The following ADGRV1 variants were observed in gnomAD, a reference collection of about 807,000 sequenced individuals.
The protein encoded by ADGRV1 is adhesion G protein-coupled receptor V1.
Under a neutral mutation model 596.2 loss-of-function variants are expected in ADGRV1, and 359 were observed. The observed-to-expected ratio is 0.60, with a 90% confidence interval of 0.55 to 0.66. The LOEUF is 0.66. ADGRV1 is among the 30% of genes least tolerant of loss of function. The probability of loss-of-function intolerance (pLI) is 0.00; values close to 1 mark genes in which losing one functional copy is unlikely to be tolerated. For missense variants in ADGRV1, 7,274 were observed against 7,575.6 expected, an observed-to-expected ratio of 0.96 and a Z score of 1.48; for synonymous variants, 2,681 against 2,679.2, an observed-to-expected ratio of 1.00 and a Z score of -0.02.
At chr5:91,108,964 T>G in intron 87 of ADGRV1, among the ~76,000 whole-genome samples, 1 of 152,274 alleles carries the variant, frequency 6.6e-6, no homozygotes, top group Admixed American at 6.5e-5. Flanking sequence ...AAATATTATC[T>G]AAAATATTTA....
rs184000602 is a variant in ADGRV1 at position 90,881,928 on chromosome 5, C to T, written c.17856+18071C>T. 5.3e-5 allele frequency among the ~76,000 whole-genome samples: 8 copies of T among 152,152 alleles called. No individual in the cohort carries two copies. The East Asian group carries it at 1.5e-3, about 29-fold the overall frequency. On this transcript the variant is annotated intron_variant, in intron 83 of 89. Transcript: ENST00000405460. Reference sequence around the variant, plus strand: ...CTTGCTTTGTTGCTCAAGCTGGTCTCCACCTCCTGGATTCAAGCAAACTGC... The same window carrying T: ...CTTGCTTTGTTGCTCAAGCTGGTCTTCACCTCCTGGATTCAAGCAAACTGC...
Position 90,653,512 on chromosome 5 carries a change from A to G in ADGRV1, c.3938A>G (p.His1313Arg), listed in dbSNP as rs886043357. 1.2e-6 allele frequency: 2 copies of G among 1,613,912 alleles called. No homozygotes were observed. Among genetic ancestry groups the G allele is most frequent in the South Asian group, 1.1e-5 (1 of 91,078 alleles). ...LLVGIFPTTV[H>R]LQQHMRRHHS... Reference sequence around the variant, plus strand: ...GTTGGAATTTTCCCCACCACCGTGCATTTACAACAGCACATGCGGCGTCAC... The same window carrying G: ...GTTGGAATTTTCCCCACCACCGTGCGTTTACAACAGCACATGCGGCGTCAC... Residue 1313 changes from histidine to arginine, a missense_variant, in exon 20 of 90, where the codon CAT becomes CGT. His to Arg is a conservative substitution (Grantham distance 29). Around this residue, in one of 5 missense-constraint regions of ADGRV1, gnomAD observed 1,715 missense variants for 1,708.8 expected, o/e 1.00. Coordinates refer to ENST00000405460, the MANE Select transcript of ADGRV1 (RefSeq NM_032119.4).
intron 87 of ADGRV1, among the ~76,000 whole-genome samples, chr5:91,127,538 A>G (rs1489052867): frequency 1.7e-4 from 5 of 29,598 alleles, no homozygotes; most frequent in Non-Finnish European, 3.9e-4. Flanking sequence ...ACCCAGTCTC[A>G]CCAAAAAAAA....
chr5:91,008,880 C>T (rs1048863135), intron 85 of ADGRV1, among the ~76,000 whole-genome samples: 2 of 152,264 alleles, frequency 1.3e-5, no homozygotes, highest in Middle Eastern at 3.4e-3. Flanking sequence ...TCTCATAGAG[C>T]TAGTACAAAC....
intron 1 of ADGRV1, among the ~76,000 whole-genome samples, chr5:90,591,301 C>T (rs542898970): frequency 6.6e-6 from 1 of 152,178 alleles, no homozygotes; most frequent in South Asian, 2.1e-4. Context: ...GAGGCTGAGG[C>T]ATGAGAACTG....
chr5:90,695,172 AAGT>A (rs1473672743), intron 33 of ADGRV1, among the ~76,000 whole-genome samples: 2 of 152,204 alleles, frequency 1.3e-5, no homozygotes, highest in African/African-American at 2.4e-5. Context: ...TTGTAAGTAA[AAGT>A]AGCATAAACT....
chr5:90,684,090 A>G lies in ADGRV1; in HGVS notation c.6169A>G (p.Thr2057Ala). ...ALFGANQSEA[T>A]IAISILDDDE... ...TTTTGGAGCTAATCAGAGTGAGGCAACAATAGCTATTTCAATTTTGGATGA... is the reference window on the plus strand; with the variant it reads ...TTTTGGAGCTAATCAGAGTGAGGCAGCAATAGCTATTTCAATTTTGGATGA... The change falls in exon 28 of 90, where the codon ACA (threonine) becomes GCA (alanine). Residue 2057 changes from threonine to alanine, a missense_variant. Thr to Ala is a moderately conservative substitution (Grantham distance 58). This residue lies in a region of ADGRV1 where 3,643 missense variants were observed against 3,809.2 expected (regional missense o/e 0.96). Coordinates refer to ENST00000405460, the MANE Select transcript of ADGRV1 (RefSeq NM_032119.4). 1 of 1,613,978 alleles carries G rather than the reference A, an allele frequency of 6.2e-7. No homozygotes were observed. The highest frequency in any genetic ancestry group is 1.3e-5 in the African/African-American group (1 of 75,058).
chr5:90,964,819 T>G (rs1455814314), intron 83 of ADGRV1, among the ~76,000 whole-genome samples: 2 of 150,508 alleles, frequency 1.3e-5, no homozygotes, highest in Non-Finnish European at 3.0e-5. Flanking sequence ...AGAAGTAGAG[T>G]TAGGGGAATT....
Position 90,756,596 on chromosome 5 carries a change from A to T in ADGRV1, c.11723A>T (p.Asp3908Val), listed in dbSNP as rs1432354732. Residue 3908 changes from aspartate to valine, a missense_variant, in exon 56 of 90, where the codon GAT becomes GTT. Coordinates refer to ENST00000405460, the MANE Select transcript of ADGRV1 (RefSeq NM_032119.4). ...IAEIMIEEND[D>V]PRGIFMFHVT... ...GAGATAATGATAGAAGAAAATGACG[A>T]TCCCAGAGGAATTTTTATGTTTCAT... 6.2e-7 allele frequency: 1 copy of T among 1,613,680 alleles called. No homozygotes were observed. Among genetic ancestry groups the T allele is most frequent in the Admixed American group, 1.7e-5 (1 of 60,006 alleles).
chr5:90,622,552 C>A, intron 4 of ADGRV1, 45 bp from the exon 5 acceptor site: 2 of 890,384 alleles, frequency 2.2e-6, no homozygotes, highest in South Asian at 6.4e-5. Flanking sequence ...CCTCATACCT[C>A]TGATTGCTCA....
At chr5:90,855,602 G>A (rs1228602004) in intron 81 of ADGRV1, 139 bp from the exon 82 acceptor site, 4 of 600,738 alleles carry the variant, frequency 6.7e-6, no homozygotes, top group Non-Finnish European at 1.2e-5. Flanking sequence ...TCCCTTCACT[G>A]TTTCTTCTTG....
At chr5:91,093,572 AG>A (rs1424757260) in intron 86 of ADGRV1, among the ~76,000 whole-genome samples, 1 of 152,256 alleles carries the variant, frequency 6.6e-6, no homozygotes, top group Non-Finnish European at 1.5e-5. Flanking sequence ...AGATAGACTG[AG>A]TTAGTGCACT....
At position 90,703,709 on chromosome 5, in the gene ADGRV1, G is replaced by A; in HGVS notation, c.8200G>A (p.Gly2734Arg). The A allele has an allele frequency of 6.2e-7, 1 of 1,605,596 alleles. No individual in the cohort carries two copies. The highest frequency in any genetic ancestry group is 2.2e-5 in the East Asian group (1 of 44,582). ...FHVIRTFPGR[G>R]NVTVNWKIIG... ...TGTGATAAGAACTTTCCCTGGTCGA[G>A]GAAATGTTACTGTTAACTGGAAAAT... Residue 2734 changes from glycine to arginine, a missense_variant, in exon 35 of 90, where the codon GGA becomes AGA. Physicochemically the swap from Gly to Arg is moderately radical, Grantham distance 125 (BLOSUM62 -2). Transcript: ENST00000405460.
chr5:90,729,734 A>T lies in ADGRV1; in HGVS notation c.10519A>T (p.Ile3507Phe). The T allele has an allele frequency of 1.2e-6, 2 of 1,613,378 alleles. No homozygotes were observed. Among genetic ancestry groups the T allele is most frequent in the Non-Finnish European group, 1.7e-6 (2 of 1,179,450 alleles). The change falls in exon 50 of 90, where the codon ATC becomes TTC. Residue 3507 changes from isoleucine (I) to phenylalanine (F), a missense_variant. This residue lies in a region of ADGRV1 where 3,643 missense variants were observed against 3,809.2 expected (regional missense o/e 0.96). Coordinates refer to ENST00000405460, the MANE Select transcript of ADGRV1 (RefSeq NM_032119.4). ...QSVDFAAVNR[I>F]HSFTPASGIA... ...TGTAGATTTTGCTGCTGTTAACAGA[A>T]TCCACTCCTTCACACCAGCCTCAGG...
chr5:90,599,722 G>A (rs1172705242), intron 1 of ADGRV1, among the ~76,000 whole-genome samples: 2 of 151,972 alleles, frequency 1.3e-5, no homozygotes, highest in Non-Finnish European at 2.9e-5. Flanking sequence ...GTAGCATACC[G>A]AGATGACATG....
intron 78 of ADGRV1, among the ~76,000 whole-genome samples, chr5:90,847,608 C>T (rs921127204): frequency 5.3e-5 from 8 of 152,260 alleles, no homozygotes; most frequent in Non-Finnish European, 7.4e-5. Context: ...CAGGAGCCCA[C>T]GGTGGTGGGG....
rs777818974 is a variant in ADGRV1, at chr5:90,619,149, G to A, written c.421G>A (p.Asp141Asn). 2.0e-6 allele frequency: 3 copies of A among 1,492,388 alleles called. No homozygotes were observed. The South Asian group carries it at 4.4e-5, about 22-fold the overall frequency. 92.4% of individuals were successfully genotyped at this position (1,492,388 alleles called of 1,614,324 possible). The change falls in exon 4 of 90, where the codon GAC (aspartate) becomes AAC (asparagine). Residue 141 changes from aspartate to asparagine, a missense_variant. Physicochemically the swap from Asp to Asn is conservative, Grantham distance 23 (BLOSUM62 1). Transcript: ENST00000405460. ...TGTTACTGTGACAATATTATCAAAT[G>A]ACAATGCATTTGGAATTATTTCATT... ...RTVTVTILSN[D>N]NAFGIISFNM...
chr5:90,665,256 G>A (rs1771125606), intron 21 of ADGRV1, among the ~76,000 whole-genome samples: 1 of 152,074 alleles, frequency 6.6e-6, no homozygotes, highest in African/African-American at 2.4e-5. Flanking sequence ...ACTCTTTTTG[G>A]TTGGTAAACT....
chr5:90,856,017 A>G, intron 82 of ADGRV1, 116 bp downstream of exon 82: 2 of 822,396 alleles, frequency 2.4e-6, no homozygotes, highest in South Asian at 1.8e-5. Context: ...CATCAGCACT[A>G]GAAGAATACA....
Sources: allele counts gnomAD v4.1 joint callset (sites outside exome capture counted in the v4.1 genomes callset), GRCh38; gene constraint gnomAD v4.1.1; regional missense constraint gnomAD v4.1.1; transcripts MANE v1.5; gene names NCBI Gene and HGNC (gene_info 2026-07-23, HGNC 2026-07-21).